The following ZNF827 variants were observed in gnomAD, a reference collection of about 807,000 sequenced individuals.
ZNF827 encodes zinc finger protein 827.
Under a neutral mutation model 102.4 loss-of-function variants are expected in ZNF827, and 13 were observed. The ratio of observed to expected loss-of-function variants is 0.13; its 90% CI spans 0.08 to 0.20. The LOEUF is 0.20. ZNF827 is among the 10% of genes least tolerant of loss of function. The pLI is 1.00. For missense variants in ZNF827, 1,103 were observed against 1,344.4 expected (o/e 0.82, Z 2.81); for synonymous variants, 523 against 536.2 (o/e 0.98, Z 0.34).
chr4:145,856,980 C>T (rs532329227), intron 5 of ZNF827, among the ~76,000 whole-genome samples: 6 of 120,864 alleles, frequency 5.0e-5, no homozygotes, highest in East Asian at 3.2e-4. Context: ...CGCGCGCACG[C>T]GCACGCACAC....
chr4:145,784,320 G>C (rs1214412454), intron 8 of ZNF827, among the ~76,000 whole-genome samples: 5 of 152,192 alleles, frequency 3.3e-5, no homozygotes, highest in African/African-American at 1.2e-4. Flanking sequence ...TTTTGTGAGG[G>C]AAATAAGTCC....
chr4:145,872,816 G>C (rs1449934247), intron 4 of ZNF827, among the ~76,000 whole-genome samples: 2 of 151,322 alleles, frequency 1.3e-5, no homozygotes, highest in Non-Finnish European at 2.9e-5. Flanking sequence ...CAGAGGTTGT[G>C]GTGAGCCAAG....
intron 11 of ZNF827, among the ~76,000 whole-genome samples, chr4:145,770,511 T>C (rs909887823): frequency 6.6e-5 from 10 of 151,634 alleles, no homozygotes; most frequent in Non-Finnish European, 1.2e-4. Context: ...AATAGGTTTT[T>C]ATATGTAAAT....
At chr4:145,887,286 G>T (rs1328798056) in intron 3 of ZNF827, among the ~76,000 whole-genome samples, 1 of 151,910 alleles carries the variant, frequency 6.6e-6, no homozygotes, top group Non-Finnish European at 1.5e-5. Context: ...GCGTTAATCC[G>T]CTGCACCACC....
chr4:145,849,595 C>T (rs1746326223), intron 5 of ZNF827, 34 bp from the exon 6 acceptor site: 1 of 1,610,102 alleles, frequency 6.2e-7, no homozygotes, highest in South Asian at 1.1e-5. Context: ...AACAAAAACA[C>T]CACCATTTCT....
intron 8 of ZNF827, among the ~76,000 whole-genome samples, chr4:145,793,737 C>G (rs562830358): frequency 6.6e-6 from 1 of 152,150 alleles, no homozygotes; most frequent in African/African-American, 2.4e-5. Context: ...TTTCCTACCC[C>G]ATAACAGAAA....
At chr4:145,791,831 T>C (rs775069666) in intron 8 of ZNF827, among the ~76,000 whole-genome samples, 1 of 152,254 alleles carries the variant, frequency 6.6e-6, no homozygotes, top group Non-Finnish European at 1.5e-5. Flanking sequence ...CCTCATTTTA[T>C]AGATGAGACA....
At chr4:145,792,525 G>C (rs936287195) in intron 8 of ZNF827, among the ~76,000 whole-genome samples, 2 of 146,716 alleles carry the variant, frequency 1.4e-5, no homozygotes, top group Non-Finnish European at 3.0e-5. Context: ...CCTAGGAATA[G>C]ATATATAATT....
At chr4:145,842,350 C>T (rs1745505595) in intron 7 of ZNF827, among the ~76,000 whole-genome samples, 1 of 152,180 alleles carries the variant, frequency 6.6e-6, no homozygotes, top group South Asian at 2.1e-4. Flanking sequence ...CAGTCACCAA[C>T]CCATACGGGA....
intron 11 of ZNF827, among the ~76,000 whole-genome samples, chr4:145,766,817 C>T (rs557147526): frequency 1.3e-5 from 2 of 152,252 alleles, no homozygotes; most frequent in East Asian, 1.9e-4. Flanking sequence ...ACACAATTTA[C>T]AGGGCATTAG....
At chr4:145,877,779 G>A (rs905066108) in intron 4 of ZNF827, among the ~76,000 whole-genome samples, 1 of 152,088 alleles carries the variant, frequency 6.6e-6, no homozygotes. Context: ...ACCCACAAAG[G>A]GCAAAAGTTG....
In ZNF827 at chr4:145,764,947, A is replaced by G. The variant is rs192134595; in HGVS notation, c.3230+41T>C. On this transcript the variant is annotated intron_variant, in intron 13 of 14. Coordinates refer to ENST00000508784, the MANE Select transcript of ZNF827 (RefSeq NM_001306215.2). The stretch of plus-strand genomic sequence containing the variant: ...GGGTAGGGAAGGGGAAAGGGTATTT[A>G]ATAACAACGCAGTAAAAGGTTCTGT... The G allele has an allele frequency of 2.5e-6, 4 of 1,608,404 alleles. No homozygotes were observed. In the African/African-American group the frequency reaches 5.3e-5, roughly 21 times the overall value.
intron 3 of ZNF827, among the ~76,000 whole-genome samples, chr4:145,889,725 C>T (rs1356470980): frequency 6.6e-6 from 1 of 152,106 alleles, no homozygotes; most frequent in Non-Finnish European, 1.5e-5. Flanking sequence ...GCCCATAATC[C>T]CAGTACTCTG....
chr4:145,807,104 C>T (rs1040546143), intron 8 of ZNF827, among the ~76,000 whole-genome samples: 7 of 152,086 alleles, frequency 4.6e-5, no homozygotes, highest in African/African-American at 9.7e-5. Context: ...GTAACTTTAA[C>T]GTTTCTGAAA....
At chr4:145,848,087 T>C (rs1224885858) in intron 6 of ZNF827, among the ~76,000 whole-genome samples, 1 of 152,244 alleles carries the variant, frequency 6.6e-6, no homozygotes, top group Non-Finnish European at 1.5e-5. Context: ...AGAGACTTTC[T>C]GAAAAGAACC....
At chr4:145,920,591 G>A (rs771551067) in intron 1 of ZNF827, among the ~76,000 whole-genome samples, 4 of 152,166 alleles carry the variant, frequency 2.6e-5, no homozygotes, top group Non-Finnish European at 5.9e-5. Context: ...TACCCAGCCC[G>A]GGACAATTTA....
rs139584749 is a variant in ZNF827 at position 145,822,521 on chromosome 4, G to T, written c.2383+901C>A. On this transcript the variant is annotated intron_variant, in intron 8 of 14. Transcript: ENST00000508784. ...ACTTTATTTTTGAAGAGGCTGCGGG[G>T]CCAACAACCCTGCTGTGAGTACTGC... Among the ~76,000 whole-genome samples the T allele has an allele frequency of 7.4e-3, 1,123 of 152,294 alleles. 12 individuals are homozygous for T. The highest frequency in any genetic ancestry group is 0.026 in the African/African-American group (1,067 of 41,560).
At position 145,858,992 on chromosome 4, in the gene ZNF827, T is replaced by C. The variant is rs116576213; in HGVS notation, c.1982-9431A>G. Among the ~76,000 whole-genome samples the C allele has an allele frequency of 3.1e-3, 467 of 152,310 alleles. 1 individual carries two copies. The highest frequency in any genetic ancestry group is 0.01 in the African/African-American group (427 of 41,554). On this transcript the variant is annotated intron_variant, in intron 5 of 14. Coordinates refer to ENST00000508784, the MANE Select transcript of ZNF827 (RefSeq NM_001306215.2). ...CACTAGTAGATACTAGTAATATTAA[T>C]CTACAAATATTGCTAATATAAATAA...
In ZNF827 at chr4:145,758,142, C is replaced by T. The variant is rs1187092825; in HGVS notation, c.*3474G>A. ...AATAATATAAAAAGTCAAACAAACT[C>T]CAAACACACCTTTTCTCACTCAGAA... On this transcript the variant is annotated 3_prime_UTR_variant, in exon 15 of 15. Transcript: ENST00000508784. 3 of 152,056 alleles carry T rather than the reference C, an allele frequency of 2.0e-5. No individual in the cohort carries two copies. The highest frequency in any genetic ancestry group is 6.5e-5 in the Admixed American group (1 of 15,274). 9.4% of individuals were successfully genotyped at this position (152,056 alleles called of 1,614,324 possible).
Sources: gnomAD v4.1 joint callset for allele counts (sites outside exome capture counted in the v4.1 genomes callset) on GRCh38, gnomAD v4.1.1 for gene constraint, MANE v1.5 for transcripts, NCBI Gene and HGNC (gene_info 2026-07-23, HGNC 2026-07-21) for gene names.